KYNU: variants seen among roughly 807,000 people sequenced by gnomAD.
The protein encoded by KYNU is L-kynurenine hydrolase.
Under a neutral mutation model 59.2 loss-of-function variants are expected in KYNU, and 54 were observed. That is an observed-to-expected ratio of 0.91 (90% CI 0.73 to 1.14). KYNU has a LOEUF of 1.14. Among genes scored for constraint, KYNU ranks in the 50% most tolerant of loss-of-function variants. KYNU has a pLI of 0.00. For missense variants in KYNU, 567 were observed against 554.4 expected (o/e 1.02, Z -0.23); for synonymous variants, 177 against 192.0 (o/e 0.92, Z 0.65).
chr2:142,945,823 T>C (rs953910646), intron 4 of KYNU, among the ~76,000 whole-genome samples: 6 of 151,664 alleles, frequency 4.0e-5, no homozygotes, highest in Non-Finnish European at 7.4e-5. Context: ...CTGCAACCTC[T>C]GCCTCCCAGG....
intron 4 of KYNU, among the ~76,000 whole-genome samples, chr2:142,934,483 GT>G (rs1683322073): frequency 6.6e-6 from 1 of 152,040 alleles, no homozygotes; most frequent in South Asian, 2.1e-4. Context: ...TGGCATGAGG[GT>G]AGGACTAAGA....
chr2:143,024,748 C>T (rs1357775799), intron 10 of KYNU, among the ~76,000 whole-genome samples: 3 of 152,074 alleles, frequency 2.0e-5, no homozygotes, highest in African/African-American at 7.2e-5. Context: ...TCCCAACTAA[C>T]TCAGAGGATG....
intron 3 of KYNU, among the ~76,000 whole-genome samples, chr2:142,919,442 T>G (rs1395506161): frequency 6.6e-6 from 1 of 152,374 alleles, no homozygotes; most frequent in Non-Finnish European, 1.5e-5. Context: ...AAATATTTTC[T>G]AATTATTTGA....
chr2:143,029,755 G>A (rs1235123508), intron 11 of KYNU, 76 bp downstream of exon 11: 1 of 882,078 alleles, frequency 1.1e-6, no homozygotes. Flanking sequence ...TGTATTATGT[G>A]TAATGTATAT....
intron 8 of KYNU, among the ~76,000 whole-genome samples, chr2:142,981,482 GGT>G (rs1208688080): frequency 1.3e-5 from 2 of 151,740 alleles, no homozygotes; most frequent in Non-Finnish European, 2.9e-5. Context: ...TGTGTGGAGG[GGT>G]GTGTGTGTGT....
intron 10 of KYNU, among the ~76,000 whole-genome samples, chr2:142,999,786 AT>A (rs1448384647): frequency 3.3e-5 from 5 of 152,128 alleles, no homozygotes; most frequent in African/African-American, 1.2e-4. Context: ...ACATGTCTTT[AT>A]TTCACAAGGG....
At chr2:143,033,932 C>A (rs1269947280) in intron 12 of KYNU, among the ~76,000 whole-genome samples, 3 of 151,832 alleles carry the variant, frequency 2.0e-5, no homozygotes, top group African/African-American at 2.4e-5. Flanking sequence ...GCCATTATGT[C>A]CATTTATAGT....
At chr2:143,030,458 G>A (rs1438143608) in intron 11 of KYNU, among the ~76,000 whole-genome samples, 1 of 152,030 alleles carries the variant, frequency 6.6e-6, no homozygotes, top group Admixed American at 6.6e-5. Flanking sequence ...TTTTAAATTT[G>A]TTTTCATTTT....
intron 2 of KYNU, among the ~76,000 whole-genome samples, chr2:142,896,729 C>T (rs967073963): frequency 2.0e-5 from 3 of 152,086 alleles, no homozygotes; most frequent in Admixed American, 6.5e-5. Context: ...TTAAGATATC[C>T]TCCCACTTTG....
chr2:142,907,133 C>T (rs930288816), intron 2 of KYNU, among the ~76,000 whole-genome samples: 12 of 152,168 alleles, frequency 7.9e-5, no homozygotes, highest in South Asian at 2.1e-4. Flanking sequence ...ATGTTACCAG[C>T]GGATCTTTGT....
intron 3 of KYNU, among the ~76,000 whole-genome samples, chr2:142,919,243 T>C (rs1423123341): frequency 2.6e-5 from 4 of 152,240 alleles, no homozygotes; most frequent in Admixed American, 2.6e-4. Context: ...AGCAAGCTAG[T>C]GGCAGAATCA....
chr2:142,886,819 C>T (rs1681529792), intron 2 of KYNU, among the ~76,000 whole-genome samples: 1 of 152,162 alleles, frequency 6.6e-6, no homozygotes, highest in Admixed American at 6.5e-5. Flanking sequence ...GGTGGCCCTG[C>T]CCTGATGTGC....
chr2:142,942,670 T>G (rs1003402854), intron 4 of KYNU, among the ~76,000 whole-genome samples: 6 of 152,112 alleles, frequency 3.9e-5, no homozygotes, highest in African/African-American at 1.4e-4. Flanking sequence ...GAGTGAAAGT[T>G]TATTAAAAAG....
chr2:142,884,374 A>G (rs1681414405), intron 1 of KYNU, among the ~76,000 whole-genome samples: 1 of 152,228 alleles, frequency 6.6e-6, no homozygotes, highest in Admixed American at 6.5e-5. Context: ...ATATGTCCAT[A>G]GTTTTAAAAC....
At chr2:142,906,462 G>GT (rs1682301633) in intron 2 of KYNU, among the ~76,000 whole-genome samples, 1 of 152,114 alleles carries the variant, frequency 6.6e-6, no homozygotes, top group East Asian at 1.9e-4. Flanking sequence ...TGGAGAACGG[G>GT]TCCCACATAA....
At chr2:142,957,466 A>G (rs1684205084) in intron 6 of KYNU, among the ~76,000 whole-genome samples, 175 bp from the exon 7 acceptor site, 1 of 152,170 alleles carries the variant, frequency 6.6e-6, no homozygotes, top group South Asian at 2.1e-4. Flanking sequence ...TCAGAATTCT[A>G]TATGTGAATT....
chr2:142,935,528 G>A (rs1683360794), intron 4 of KYNU, among the ~76,000 whole-genome samples: 1 of 152,156 alleles, frequency 6.6e-6, no homozygotes, highest in African/African-American at 2.4e-5. Context: ...GGGTGAGGGT[G>A]GAAGAGAATA....
chr2:143,002,872 A>G (rs1327466801), intron 10 of KYNU, among the ~76,000 whole-genome samples: 1 of 152,208 alleles, frequency 6.6e-6, no homozygotes, highest in Non-Finnish European at 1.5e-5. Flanking sequence ...AGGAGAAATA[A>G]GTTTCTTTGG....
chr2:142,980,467 C>T (rs1314957268), intron 8 of KYNU, among the ~76,000 whole-genome samples: 2 of 152,110 alleles, frequency 1.3e-5, no homozygotes, highest in Non-Finnish European at 2.9e-5. Flanking sequence ...TACCCAGGCC[C>T]TACTCAAGAT....
Sources: allele counts gnomAD v4.1 joint callset (sites outside exome capture counted in the v4.1 genomes callset), GRCh38; gene constraint gnomAD v4.1.1; transcripts MANE v1.5; gene names NCBI Gene and HGNC (gene_info 2026-07-23, HGNC 2026-07-21).